The following LY6S variants were observed in gnomAD, a reference collection of about 807,000 sequenced individuals.
The protein encoded by LY6S is lymphocyte antigen 6 family member S, also known as lymphocyte antigen 6S.
the LY6S span, among the ~76,000 whole-genome samples, chr8:143,065,725 C>CCTTTCTTTCTCTTTCTTTCT: frequency 6.9e-6 from 1 of 145,820 alleles, no homozygotes; most frequent in Non-Finnish European, 1.5e-5. Flanking sequence ...GCCGGTTGTC[C>CCTTTCTTTCTCTTTCTTTCT]CTTTCTTTCT....
chr8:143,065,669 C>T, the LY6S span, among the ~76,000 whole-genome samples: 2 of 152,052 alleles, frequency 1.3e-5, no homozygotes, highest in African/African-American at 4.8e-5. Flanking sequence ...TGTACTGGAG[C>T]CGGAAGACTT....
chr8:143,053,818 G>A, the LY6S span: 1 of 152,112 alleles, frequency 6.6e-6, no homozygotes, highest in South Asian at 2.1e-4. Context: ...ATGTCTGCAG[G>A]AATTATACTG....
chr8:143,067,169 G>C, the LY6S span, among the ~76,000 whole-genome samples: 1 of 152,232 alleles, frequency 6.6e-6, no homozygotes, highest in South Asian at 2.1e-4. Context: ...CCTGCTGTGG[G>C]GAAAAGAAAG....
At chr8:143,070,488 TA>T in the LY6S span, among the ~76,000 whole-genome samples, 9 of 102,204 alleles carry the variant, frequency 8.8e-5, no homozygotes, top group African/African-American at 4.3e-4. Context: ...TATATATATA[TA>T]TTTTTTTTTT....
At chr8:143,058,592 G>A in the LY6S span, among the ~76,000 whole-genome samples, 1 of 152,258 alleles carries the variant, frequency 6.6e-6, no homozygotes, top group African/African-American at 2.4e-5. Flanking sequence ...CTGAAGCACA[G>A]CATCACAGGG....
chr8:143,044,338 G>A, the LY6S span: 1 of 428,008 alleles, frequency 2.3e-6, no homozygotes, highest in Admixed American at 2.5e-5. Flanking sequence ...GTTGGTGTGG[G>A]CCCTGCTGCT....
the LY6S span, among the ~76,000 whole-genome samples, chr8:143,045,581 C>G: frequency 2.6e-5 from 4 of 152,150 alleles, no homozygotes; most frequent in Admixed American, 2.6e-4. The surrounding 1 kb of genome is among the most constrained non-coding windows in gnomAD (Gnocchi z 5.3). Context: ...ACCCAGAGCC[C>G]CATGGCTGTA....
the LY6S span, among the ~76,000 whole-genome samples, chr8:143,070,481 A>ATTTTTT: frequency 2.3e-5 from 2 of 85,418 alleles, no homozygotes; most frequent in African/African-American, 1.5e-4. Context: ...ATATAAATAT[A>ATTTTTT]TATATATATT....
the LY6S span, chr8:143,049,279 T>C: frequency 9.4e-6 from 5 of 534,566 alleles, no homozygotes; most frequent in Admixed American, 9.7e-5. Context: ...TCTGTAAAAA[T>C]TGGAACACCT....
chr8:143,043,178 G>A, the LY6S span: 1 of 1,367,898 alleles, frequency 7.3e-7, no homozygotes, highest in Admixed American at 1.9e-5. Context: ...GTACGCACAG[G>A]GCCCAGGGGC....
chr8:143,066,828 C>T, the LY6S span, among the ~76,000 whole-genome samples: 5 of 152,138 alleles, frequency 3.3e-5, no homozygotes, highest in Non-Finnish European at 5.9e-5. Flanking sequence ...TGGGGAACTA[C>T]TGAGAAGGGA....
At chr8:143,065,970 G>T in the LY6S span, 5 of 328,290 alleles carry the variant, frequency 1.5e-5, no homozygotes, top group Non-Finnish European at 2.9e-5. Flanking sequence ...AAATCGAGGC[G>T]GGGGTGTTCG....
the LY6S span, among the ~76,000 whole-genome samples, chr8:143,058,952 T>C: frequency 6.6e-6 from 1 of 152,268 alleles, no homozygotes; most frequent in Non-Finnish European, 1.5e-5. Context: ...GCTATGATTA[T>C]AGAGTGAGGA....
At chr8:143,049,009 G>A in the LY6S span, among the ~76,000 whole-genome samples, 1 of 152,248 alleles carries the variant, frequency 6.6e-6, no homozygotes, top group Non-Finnish European at 1.5e-5. Context: ...CCCCCAGCCA[G>A]CAGCGGGGGC....
chr8:143,043,594 G>A, the LY6S span, among the ~76,000 whole-genome samples: 10 of 152,192 alleles, frequency 6.6e-5, no homozygotes, highest in Admixed American at 1.3e-4. Context: ...TGGGACCCCC[G>A]AAGCGGGAGC....
the LY6S span, among the ~76,000 whole-genome samples, chr8:143,072,199 C>A: frequency 6.6e-6 from 1 of 152,102 alleles, no homozygotes; most frequent in South Asian, 2.1e-4. Flanking sequence ...GAGAAGACAG[C>A]CGTCATTCTG....
the LY6S span, among the ~76,000 whole-genome samples, chr8:143,059,460 G>T: frequency 1.3e-5 from 2 of 151,890 alleles, no homozygotes; most frequent in East Asian, 3.8e-4. Flanking sequence ...AACTTATAAC[G>T]ATCCCAAATG....
At chr8:143,051,211 T>C in the LY6S span, among the ~76,000 whole-genome samples, 1 of 152,186 alleles carries the variant, frequency 6.6e-6, no homozygotes, top group Non-Finnish European at 1.5e-5. Flanking sequence ...GCTAGCCTTG[T>C]TCCCCTGTGC....
chr8:143,066,757 A>G, the LY6S span, among the ~76,000 whole-genome samples: 2 of 152,146 alleles, frequency 1.3e-5, no homozygotes, highest in Non-Finnish European at 1.5e-5. Flanking sequence ...TTTCCAGATG[A>G]GACTTTGAAC....
Sources: allele counts gnomAD v4.1 joint callset (sites outside exome capture counted in the v4.1 genomes callset), GRCh38; gene constraint gnomAD v4.1.1; non-coding constraint Gnocchi (gnomAD v3.1); transcripts MANE v1.5; gene names NCBI Gene and HGNC (gene_info 2026-07-23, HGNC 2026-07-21).